Variants in KCNH5 observed in about 807,000 individuals in gnomAD.
KCNH5 encodes potassium voltage-gated channel subfamily H member 5.
In KCNH5, 46 loss-of-function variants were observed where a neutral mutation model predicts 96.1. The ratio of observed to expected loss-of-function variants is 0.48; its 90% confidence interval spans 0.38 to 0.61. KCNH5 has a LOEUF of 0.61. Ranked by LOEUF, KCNH5 falls within the 20% of genes least tolerant of loss-of-function variation. The pLI is 0.00. For missense variants in KCNH5, 907 were observed against 1,225.8 expected (o/e 0.74, Z 3.88); for synonymous variants, 439 against 449.8 (o/e 0.98, Z 0.30).
intron 4 of KCNH5, among the ~76,000 whole-genome samples, chr14:62,993,048 C>G (rs1226025385): frequency 6.6e-6 from 1 of 152,026 alleles, no homozygotes; most frequent in African/African-American, 2.4e-5. Flanking sequence ...CCAATTATCC[C>G]AGCACCAGTT....
chr14:63,002,126 T>C (rs9652353), intron 3 of KCNH5, among the ~76,000 whole-genome samples: 32,596 of 152,026 alleles, frequency 0.21, 4,211 homozygotes, highest in East Asian at 0.38. Context: ...TGTCCCCAGC[T>C]TTTGAGATCC....
intron 10 of KCNH5, among the ~76,000 whole-genome samples, chr14:62,757,036 T>G (rs781609605): frequency 1.3e-5 from 2 of 151,934 alleles, no homozygotes; most frequent in African/African-American, 2.4e-5. Context: ...TATTTGCAAA[T>G]TACACATCTA....
rs189449397 is a variant in KCNH5 at position 62,913,250 on chromosome 14, G to C, written c.1369+36883C>G. ...ATGTGAAACTTTTTTTTTTTGAGAC[G>C]GAGTTTTGCTCTTGTCTCCCAGGCT... On this transcript the variant is annotated intron_variant, in intron 7 of 10. Transcript: ENST00000322893. Among the ~76,000 whole-genome samples the C allele has an allele frequency of 3.1e-3, 476 of 151,544 alleles. 5 individuals are homozygous for C. Among genetic ancestry groups the C allele is most frequent in the African/African-American group, 0.01 (429 of 41,344 alleles).
At chr14:62,733,468 C>A (rs1885093377) in intron 10 of KCNH5, among the ~76,000 whole-genome samples, 2 of 152,112 alleles carry the variant, frequency 1.3e-5, no homozygotes, top group South Asian at 4.1e-4. Context: ...GACTTCTCAG[C>A]CTCTAGAACT....
chr14:62,989,616 C>T (rs1214901734), intron 4 of KCNH5, among the ~76,000 whole-genome samples: 1 of 152,128 alleles, frequency 6.6e-6, no homozygotes, highest in Non-Finnish European at 1.5e-5. Flanking sequence ...CCTCTGTACA[C>T]GCACATCATG....
At chr14:63,033,106 G>A (rs1033914818) in intron 1 of KCNH5, among the ~76,000 whole-genome samples, 19 of 151,966 alleles carry the variant, frequency 1.3e-4, no homozygotes, top group African/African-American at 3.9e-4. Flanking sequence ...CATATCTTGC[G>A]TCGACTACCG....
intron 1 of KCNH5, among the ~76,000 whole-genome samples, chr14:63,024,593 C>T (rs922322838): frequency 4.6e-5 from 7 of 151,916 alleles, no homozygotes; most frequent in African/African-American, 1.7e-4. Context: ...AAAGAGGAGA[C>T]AATACAACTG....
intron 7 of KCNH5, among the ~76,000 whole-genome samples, chr14:62,936,322 T>G (rs1303827452): frequency 6.6e-6 from 1 of 152,114 alleles, no homozygotes; most frequent in Non-Finnish European, 1.5e-5. Context: ...GACATGAGCA[T>G]GTTTATCAGC....
chr14:63,002,630 G>A (rs1359165287), intron 3 of KCNH5, among the ~76,000 whole-genome samples: 8 of 151,860 alleles, frequency 5.3e-5, no homozygotes, highest in Non-Finnish European at 1.2e-4. Context: ...TATTCCCATG[G>A]CCTAAAAAAA....
At chr14:62,825,265 T>C (rs1240427368) in intron 8 of KCNH5, among the ~76,000 whole-genome samples, 2 of 152,122 alleles carry the variant, frequency 1.3e-5, no homozygotes, top group African/African-American at 4.8e-5. Flanking sequence ...TATATATGTG[T>C]TTCCTGTTCT....
At chr14:62,781,534 A>C (rs952350224) in intron 9 of KCNH5, among the ~76,000 whole-genome samples, 3 of 152,180 alleles carry the variant, frequency 2.0e-5, no homozygotes, top group Non-Finnish European at 4.4e-5. Context: ...AGAGACGGCC[A>C]CGCCCGGCGG....
intron 10 of KCNH5, among the ~76,000 whole-genome samples, chr14:62,709,344 G>A (rs1272608396): frequency 6.6e-6 from 1 of 151,936 alleles, no homozygotes; most frequent in Non-Finnish European, 1.5e-5. Flanking sequence ...ATGGCATCTG[G>A]GTTGGGTGAG....
intron 1 of KCNH5, among the ~76,000 whole-genome samples, chr14:63,034,744 T>A (rs866300484): frequency 6.6e-6 from 1 of 152,228 alleles, no homozygotes; most frequent in African/African-American, 2.4e-5. Context: ...ATTAACTTCA[T>A]TTTTTCATCC....
chr14:62,896,405 G>A (rs1309872554), intron 7 of KCNH5, among the ~76,000 whole-genome samples: 1 of 152,112 alleles, frequency 6.6e-6, no homozygotes, highest in African/African-American at 2.4e-5. Context: ...GCCTACTATT[G>A]GTATAGCTAC....
intron 9 of KCNH5, among the ~76,000 whole-genome samples, chr14:62,796,638 T>C (rs1423627987): frequency 6.6e-6 from 1 of 152,120 alleles, no homozygotes; most frequent in Non-Finnish European, 1.5e-5. Flanking sequence ...ACCTGGAAAA[T>C]CTGAGACAGG....
At chr14:62,825,423 T>G (rs567743576) in intron 8 of KCNH5, among the ~76,000 whole-genome samples, 2 of 152,140 alleles carry the variant, frequency 1.3e-5, no homozygotes, top group South Asian at 4.1e-4. Context: ...TTTTGACCAC[T>G]TGTATGCCTT....
At chr14:62,909,129 T>TC (rs1203419919) in intron 7 of KCNH5, among the ~76,000 whole-genome samples, 2 of 128,660 alleles carry the variant, frequency 1.6e-5, no homozygotes, top group Admixed American at 9.5e-5. Context: ...CACTGCAAGC[T>TC]CCGCCTCCCG....
At chr14:62,997,771 G>A (rs1890933750) in intron 4 of KCNH5, among the ~76,000 whole-genome samples, 1 of 151,388 alleles carries the variant, frequency 6.6e-6, no homozygotes, top group Non-Finnish European at 1.5e-5. Context: ...ATGGTGGTGG[G>A]CGCCTGTAGT....
At chr14:62,785,873 A>G (rs1595621628) in intron 9 of KCNH5, among the ~76,000 whole-genome samples, 1 of 152,316 alleles carries the variant, frequency 6.6e-6, no homozygotes, top group East Asian at 1.9e-4. Flanking sequence ...TGAGTTAATG[A>G]CATGAATAAA....
Sources: gnomAD v4.1 joint callset for allele counts (sites outside exome capture counted in the v4.1 genomes callset) on GRCh38, gnomAD v4.1.1 for gene constraint, MANE v1.5 for transcripts, NCBI Gene and HGNC (gene_info 2026-07-23, HGNC 2026-07-21) for gene names.